The following ST18 variants were observed in gnomAD, a reference collection of about 807,000 sequenced individuals.
The protein encoded by ST18 is ST18 C2H2C-type zinc finger transcription factor.
ST18 carries 50 observed loss-of-function variants against 110.0 expected under a neutral mutation model. The ratio of observed to expected loss-of-function variants is 0.45; its 90% CI spans 0.36 to 0.58. The LOEUF is 0.58. Among genes scored for constraint, ST18 ranks in the 20% least tolerant of loss-of-function variants. The pLI is 0.00. For missense variants in ST18, 1,306 were observed against 1,280.1 expected (o/e 1.02, Z -0.31); for synonymous variants, 461 against 452.4 (o/e 1.02, Z -0.24).
chr8:52,307,918 G>A (rs1391112853), intron 2 of ST18, among the ~76,000 whole-genome samples: 5 of 152,134 alleles, frequency 3.3e-5, no homozygotes, highest in African/African-American at 7.2e-5. Flanking sequence ...AAATTTTCAC[G>A]TGTACAATGA....
At chr8:52,250,611 G>C (rs1168454938) in intron 2 of ST18, among the ~76,000 whole-genome samples, 1 of 151,560 alleles carries the variant, frequency 6.6e-6, no homozygotes, top group African/African-American at 2.4e-5. Flanking sequence ...ACAGTGAGCT[G>C]TGGGCCGCAG....
At chr8:52,165,288 C>T (rs989775375) in intron 11 of ST18, 63 bp from the exon 12 acceptor site, 25 of 1,513,304 alleles carry the variant, frequency 1.7e-5, no homozygotes, top group South Asian at 1.4e-4. Context: ...CACACTAACA[C>T]GTGTATCTCT....
In ST18 at chr8:52,244,943, C is replaced by T. The variant is rs965905705; in HGVS notation, c.-464-14866G>A. Among the ~76,000 whole-genome samples, 18 of 152,210 alleles carry T rather than the reference C, an allele frequency of 1.2e-4. No individual in the cohort carries two copies. In the South Asian group the frequency reaches 1.5e-3, roughly 12 times the overall value. ...TCACACAAAAAAAGATCCAGGACTC[C>T]GTAGATAATAGGTTGTATACTCTAA... On this transcript the variant is annotated intron_variant, in intron 2 of 25. Transcript: ENST00000689386.
At chr8:52,373,248 C>T (rs990722223) in intron 2 of ST18, among the ~76,000 whole-genome samples, 2 of 151,986 alleles carry the variant, frequency 1.3e-5, no homozygotes, top group African/African-American at 4.8e-5. Flanking sequence ...AGAGAGTAAG[C>T]CCTCCCTCCT....
intron 2 of ST18, among the ~76,000 whole-genome samples, chr8:52,353,447 G>A (rs1821270733): frequency 6.6e-6 from 1 of 152,180 alleles, no homozygotes; most frequent in African/African-American, 2.4e-5. Context: ...ACGCTGAGAG[G>A]AGATAAAGAA....
At chr8:52,362,794 G>GT (rs1274125036) in intron 2 of ST18, among the ~76,000 whole-genome samples, 1 of 152,122 alleles carries the variant, frequency 6.6e-6, no homozygotes, top group Non-Finnish European at 1.5e-5. Flanking sequence ...AGACTCCCCT[G>GT]TAGGGTCCTT....
intron 2 of ST18, among the ~76,000 whole-genome samples, chr8:52,239,354 G>A (rs2093130352): frequency 6.6e-6 from 1 of 152,138 alleles, no homozygotes; most frequent in African/African-American, 2.4e-5. Flanking sequence ...TATGGTATGT[G>A]AATTATATCT....
At chr8:52,192,847 A>G (rs1563976561) in intron 8 of ST18, among the ~76,000 whole-genome samples, 1 of 152,150 alleles carries the variant, frequency 6.6e-6, no homozygotes, top group Non-Finnish European at 1.5e-5. Context: ...TTCAACTTTG[A>G]GCTCAGACTC....
chr8:52,215,344 C>T (rs573971416), intron 6 of ST18, among the ~76,000 whole-genome samples: 2 of 152,276 alleles, frequency 1.3e-5, no homozygotes, highest in South Asian at 4.1e-4. Context: ...AGGTCCTGCA[C>T]ATAATAGTTT....
At chr8:52,171,426 G>A in intron 10 of ST18, 1 of 361,868 alleles carries the variant, frequency 2.8e-6, no homozygotes, top group South Asian at 2.3e-5. Context: ...AAGAATGAGG[G>A]TGGGAAAGAA....
At chr8:52,114,184 G>A (rs928413704) in intron 25 of ST18, among the ~76,000 whole-genome samples, 1 of 151,750 alleles carries the variant, frequency 6.6e-6, no homozygotes, top group African/African-American at 2.4e-5. Context: ...TGGCCAGGCT[G>A]GTCTCAAACA....
intron 2 of ST18, among the ~76,000 whole-genome samples, chr8:52,347,685 T>C (rs1460695101): frequency 6.6e-6 from 1 of 152,184 alleles, no homozygotes; most frequent in Non-Finnish European, 1.5e-5. Context: ...GGCACTATTC[T>C]AGGAAGTTTT....
intron 22 of ST18, among the ~76,000 whole-genome samples, chr8:52,131,221 A>C (rs2049442473): frequency 6.6e-6 from 1 of 152,220 alleles, no homozygotes; most frequent in Non-Finnish European, 1.5e-5. Flanking sequence ...CTAAAGCTTC[A>C]TTGGATTTTA....
chr8:52,351,892 T>A (rs1344526794), intron 2 of ST18, among the ~76,000 whole-genome samples: 1 of 152,192 alleles, frequency 6.6e-6, no homozygotes, highest in African/African-American at 2.4e-5. Flanking sequence ...TGTTATGCAG[T>A]CACAGAGTCT....
chr8:52,300,286 A>G (rs1480006268), intron 2 of ST18, among the ~76,000 whole-genome samples: 1 of 152,186 alleles, frequency 6.6e-6, no homozygotes, highest in African/African-American at 2.4e-5. Flanking sequence ...TTATATTGCT[A>G]TACAGATTCT....
At chr8:52,307,571 A>G (rs2095835519) in intron 2 of ST18, among the ~76,000 whole-genome samples, 1 of 152,218 alleles carries the variant, frequency 6.6e-6, no homozygotes, top group African/African-American at 2.4e-5. Context: ...CTGATTTATA[A>G]AAGCAATAAG....
chr8:52,250,661 C>CAA (rs10640311), intron 2 of ST18, among the ~76,000 whole-genome samples: 37,234 of 141,750 alleles, frequency 0.26, 4,848 homozygotes, highest in Middle Eastern at 0.42. Context: ...AATCACCATC[C>CAA]AAAAAAAAAA....
intron 2 of ST18, among the ~76,000 whole-genome samples, chr8:52,260,688 C>T (rs1589399467): frequency 6.6e-6 from 1 of 152,182 alleles, no homozygotes; most frequent in East Asian, 1.9e-4. Flanking sequence ...CATTTCTATG[C>T]ACACTTCCTT....
chr8:52,243,738 T>C (rs1589193988), intron 2 of ST18, among the ~76,000 whole-genome samples: 1 of 152,336 alleles, frequency 6.6e-6, no homozygotes, highest in East Asian at 1.9e-4. Flanking sequence ...TATTGCCACA[T>C]ATATCATCAT....
Sources: gnomAD v4.1 joint callset for allele counts (sites outside exome capture counted in the v4.1 genomes callset) on GRCh38, gnomAD v4.1.1 for gene constraint, MANE v1.5 for transcripts, NCBI Gene and HGNC (gene_info 2026-07-23, HGNC 2026-07-21) for gene names.